Variants in CRHR1 observed in about 807,000 individuals in gnomAD.
CRHR1 encodes corticotropin-releasing hormone receptor 1.
Under a neutral mutation model 56.0 loss-of-function variants are expected in CRHR1, and 28 were observed. That is an observed-to-expected ratio of 0.50 (90% CI 0.37 to 0.69). CRHR1 has a LOEUF of 0.69. CRHR1 is among the 30% of genes least tolerant of loss of function. The pLI is 0.00. For missense variants in CRHR1, 376 were observed against 548.0 expected (o/e 0.69, Z 3.13); for synonymous variants, 195 against 216.5 (o/e 0.90, Z 0.87).
At chr17:45,818,986 C>G (rs1445720706) in intron 3 of CRHR1, among the ~76,000 whole-genome samples, 1 of 152,154 alleles carries the variant, frequency 6.6e-6, no homozygotes, top group African/African-American at 2.4e-5. Context: ...CTCCTTTCTC[C>G]CCATCAAAGC....
chr17:45,789,615 C>T (rs1022972676), intron 1 of CRHR1, among the ~76,000 whole-genome samples: 6 of 151,890 alleles, frequency 4.0e-5, no homozygotes, highest in South Asian at 4.2e-4. Context: ...TGGGCTCAAG[C>T]GATCCTCCCA....
intron 3 of CRHR1, among the ~76,000 whole-genome samples, chr17:45,817,728 C>T (rs1377296128): frequency 6.6e-6 from 1 of 152,192 alleles, no homozygotes; most frequent in African/African-American, 2.4e-5. Context: ...GCTGGGGCAG[C>T]CAGATCTAGC....
intron 1 of CRHR1, among the ~76,000 whole-genome samples, chr17:45,791,833 TTC>T (rs71363555): frequency 0.25 from 32,021 of 126,886 alleles, 4,049 homozygotes; most frequent in Middle Eastern, 0.36. Flanking sequence ...CTCTCTCTCT[TTC>T]TCTCTCTCTC....
chr17:45,833,693 T>TGGGGGGGGGCCG, intron 10 of CRHR1, 21 bp from the exon 11 acceptor site: 2 of 1,571,612 alleles, frequency 1.3e-6, no homozygotes, highest in Non-Finnish European at 1.7e-6. Context: ...ACTCCGAGCC[T>TGGGGGGGGGCCG]CCCCACCCGC....
chr17:45,808,748 A>G (rs917296438), intron 2 of CRHR1, among the ~76,000 whole-genome samples: 3 of 152,122 alleles, frequency 2.0e-5, no homozygotes, highest in Non-Finnish European at 4.4e-5. Flanking sequence ...TTCTGATCTC[A>G]AGGAATCCTC....
intron 5 of CRHR1, chr17:45,829,621 G>C (rs2143224261): frequency 6.4e-7 from 1 of 1,551,082 alleles, no homozygotes; most frequent in East Asian, 2.4e-5. Flanking sequence ...GGGCTCCATG[G>C]AGTGGTGCCC....
At chr17:45,832,566 T>C (rs2062338580) in intron 8 of CRHR1, among the ~76,000 whole-genome samples, 1 of 152,202 alleles carries the variant, frequency 6.6e-6, no homozygotes, top group African/African-American at 2.4e-5. Flanking sequence ...TTCCAGTTTG[T>C]CTGGTCCCCA....
chr17:45,806,979 C>G (rs1170095326), intron 1 of CRHR1, 31 bp from the exon 2 acceptor site: 1 of 1,600,342 alleles, frequency 6.2e-7, no homozygotes, highest in African/African-American at 1.3e-5. Flanking sequence ...TGGCACCTGC[C>G]TAATGTGTCC....
chr17:45,828,936 G>A (rs1317558320), intron 4 of CRHR1, among the ~76,000 whole-genome samples: 1 of 152,220 alleles, frequency 6.6e-6, no homozygotes, highest in Non-Finnish European at 1.5e-5. Context: ...TGCATGCAGG[G>A]GCGGGGGGTC....
At chr17:45,823,808 C>T (rs764158618) in intron 4 of CRHR1, among the ~76,000 whole-genome samples, 29 of 152,212 alleles carry the variant, frequency 1.9e-4, no homozygotes, top group East Asian at 1.9e-4. Flanking sequence ...TGAGCTAATG[C>T]GGGGCTCTGC....
intron 4 of CRHR1, among the ~76,000 whole-genome samples, chr17:45,823,142 C>CAA (rs1226446573): frequency 2.6e-5 from 2 of 76,354 alleles, no homozygotes; most frequent in African/African-American, 4.6e-5. Context: ...GACTCTGTCT[C>CAA]AAAAAAAAAA....
At chr17:45,828,103 C>A (rs897458668) in intron 4 of CRHR1, among the ~76,000 whole-genome samples, 3 of 152,222 alleles carry the variant, frequency 2.0e-5, no homozygotes, top group African/African-American at 7.2e-5. Context: ...TTCCTTCACT[C>A]ACACACTGCT....
At chr17:45,830,840 C>T (rs546246066) in intron 7 of CRHR1, 40 bp from the exon 8 acceptor site, 19 of 1,598,354 alleles carry the variant, frequency 1.2e-5, no homozygotes, top group Admixed American at 6.7e-5. Flanking sequence ...CATCCTCCAG[C>T]CCCCGCTGAG....
chr17:45,809,662 G>GT (rs1362897283), intron 2 of CRHR1, among the ~76,000 whole-genome samples: 1 of 152,256 alleles, frequency 6.6e-6, no homozygotes, highest in East Asian at 1.9e-4. Context: ...ACGGGCACTG[G>GT]TAGAGACAGA....
At position 45,829,520 on chromosome 17, in the gene CRHR1, G is replaced by T. The variant is rs1055272951; in HGVS notation, c.434+199G>T. The T allele has an allele frequency of 2.6e-6, 4 of 1,525,228 alleles. No homozygotes were observed. In the Admixed American group the frequency reaches 8.2e-5, roughly 31 times the overall value. The allele number at this position is 1,525,228 out of a possible 1,614,324, so 94.5% of individuals were successfully genotyped here. A position where few individuals can be genotyped will look rare whatever the true frequency, so the allele number is the denominator to read the frequency against. On this transcript the variant is annotated intron_variant, in intron 5 of 12. Coordinates refer to ENST00000314537, the MANE Select transcript of CRHR1 (RefSeq NM_004382.5). ...CCTCTCCCCAGTAGCTGCTGGAATG[G>T]TGGGGAGGGACAAAACTTGTCTTAT...
intron 10 of CRHR1, 21 bp from the exon 11 acceptor site, chr17:45,833,693 T>TGGGGGGGCCCCCCCCCCCCCCCC: frequency 1.9e-6 from 3 of 1,571,608 alleles, no homozygotes; most frequent in Non-Finnish European, 2.6e-6. Flanking sequence ...ACTCCGAGCC[T>TGGGGGGGCCCCCCCCCCCCCCCC]CCCCACCCGC....
intron 11 of CRHR1, 70 bp from the exon 12 acceptor site, chr17:45,833,937 A>G: frequency 6.2e-7 from 1 of 1,613,160 alleles, no homozygotes. Flanking sequence ...AGGGAGAAGC[A>G]AGGGGCAGCC....
At chr17:45,828,524 A>G (rs1189603449) in intron 4 of CRHR1, among the ~76,000 whole-genome samples, 1 of 152,238 alleles carries the variant, frequency 6.6e-6, no homozygotes, top group Admixed American at 6.5e-5. Context: ...CTCCATCAGT[A>G]TATTAAATTC....
At chr17:45,828,977 GA>G (rs2062229474) in intron 4 of CRHR1, among the ~76,000 whole-genome samples, 1 of 152,216 alleles carries the variant, frequency 6.6e-6, no homozygotes, top group African/African-American at 2.4e-5. Flanking sequence ...ACGTGATGTG[GA>G]GATTCAGTTC....
Sources: gnomAD v4.1 joint callset for allele counts (sites outside exome capture counted in the v4.1 genomes callset) on GRCh38, gnomAD v4.1.1 for gene constraint, MANE v1.5 for transcripts, NCBI Gene and HGNC (gene_info 2026-07-23, HGNC 2026-07-21) for gene names.